Variants in TBX20 observed in about 807,000 individuals in gnomAD.
TBX20 encodes T-box transcription factor TBX20.
In TBX20, 8 loss-of-function variants were observed where a neutral mutation model predicts 42.9. The ratio of observed to expected loss-of-function variants is 0.19; its 90% CI spans 0.11 to 0.34. The LOEUF is 0.34. Among genes scored for constraint, TBX20 ranks in the 10% least tolerant of loss-of-function variants. TBX20 has a pLI of 1.00. For missense variants in TBX20, 411 were observed against 566.0 expected (o/e 0.73, Z 2.78); for synonymous variants, 198 against 222.8 (o/e 0.89, Z 0.99).
chr7:35,253,840 C>G lies in TBX20; in HGVS notation c.-220G>C. The G allele has an allele frequency of 3.4e-6, 2 of 590,566 alleles. No individual in the cohort carries two copies. Among genetic ancestry groups the G allele is most frequent in the Non-Finnish European group, 2.9e-6 (1 of 344,638 alleles). The allele number at this position is 590,566 out of a possible 1,614,324, so 36.6% of individuals were successfully genotyped here. The stretch of plus-strand genomic sequence containing the variant: ...GAGCCGCAGAGACTTCGAAGGCAGC[C>G]GGAGAGGAGAGGGCCCACCGAGCAC... On this transcript the variant is annotated 5_prime_UTR_variant, in exon 1 of 8. Coordinates refer to ENST00000408931, the MANE Select transcript of TBX20 (RefSeq NM_001077653.2).
chr7:35,228,722 G>A (rs943796991), intron 6 of TBX20, among the ~76,000 whole-genome samples: 3 of 151,860 alleles, frequency 2.0e-5, no homozygotes, highest in Admixed American at 6.6e-5. Flanking sequence ...GTTATTATAC[G>A]GAACCAGCCA....
At chr7:35,245,319 G>GGTGTGTGTGTGT (rs61706700) in intron 3 of TBX20, among the ~76,000 whole-genome samples, 12,670 of 146,352 alleles carry the variant, frequency 0.087, 589 homozygotes, top group Non-Finnish European at 0.1. Context: ...TGTTTAAAGG[G>GGTGTGTGTGTGT]GTGTGTGTGT....
At chr7:35,223,131 G>A (rs1446562834) in intron 6 of TBX20, among the ~76,000 whole-genome samples, 1 of 152,178 alleles carries the variant, frequency 6.6e-6, no homozygotes, top group African/African-American at 2.4e-5. Flanking sequence ...GTTTGGATGT[G>A]TAAAATATGA....
At chr7:35,243,876 G>A (rs1203960344) in intron 4 of TBX20, among the ~76,000 whole-genome samples, 1 of 152,202 alleles carries the variant, frequency 6.6e-6, no homozygotes. Context: ...ACAGTCTCCT[G>A]TGGGCAGAGG....
At chr7:35,226,902 C>T (rs1789781576) in intron 6 of TBX20, among the ~76,000 whole-genome samples, 1 of 151,632 alleles carries the variant, frequency 6.6e-6, no homozygotes, top group South Asian at 2.1e-4. Flanking sequence ...TCAGGCAGAT[C>T]CTTTGGCAGG....
chr7:35,210,628 T>C (rs1461309438), intron 6 of TBX20, among the ~76,000 whole-genome samples: 2 of 152,324 alleles, frequency 1.3e-5, no homozygotes, highest in African/African-American at 4.8e-5. Context: ...CCTTGAAGAA[T>C]GGAGCTCTTT....
At chr7:35,215,111 T>C (rs1224948336) in intron 6 of TBX20, among the ~76,000 whole-genome samples, 2 of 152,220 alleles carry the variant, frequency 1.3e-5, no homozygotes, top group Non-Finnish European at 2.9e-5. Flanking sequence ...TGAAACATTT[T>C]GCTTTTCTGA....
At chr7:35,246,167 C>A (rs1422614384) in intron 3 of TBX20, among the ~76,000 whole-genome samples, 3 of 152,144 alleles carry the variant, frequency 2.0e-5, no homozygotes, top group Admixed American at 6.6e-5. Flanking sequence ...TGTACAAATG[C>A]TGAAACTTAC....
chr7:35,240,843 C>G (rs756840599), intron 5 of TBX20, 36 bp downstream of exon 5: 2 of 1,599,820 alleles, frequency 1.3e-6, no homozygotes, highest in Non-Finnish European at 1.7e-6. Context: ...AAATCCTTCT[C>G]TTATGCAGGA....
At chr7:35,213,877 C>CAAAAAAAAAA (rs59548164) in intron 6 of TBX20, among the ~76,000 whole-genome samples, 1 of 59,768 alleles carries the variant, frequency 1.7e-5, no homozygotes, top group African/African-American at 6.8e-5. Context: ...GCAGAGATAG[C>CAAAAAAAAAA]AAAAAAAAAA....
rs548205578 is a variant in TBX20 at position 35,209,719 on chromosome 7, G to T, written c.891-5137C>A. Reference sequence around the variant, plus strand: ...CTTGCTTTGGGTCTCATTCACTATTGTCCTAGTTTCTTGAGATGGAAGATG... The same window carrying T: ...CTTGCTTTGGGTCTCATTCACTATTTTCCTAGTTTCTTGAGATGGAAGATG... On this transcript the variant is annotated intron_variant, in intron 6 of 7. Coordinates refer to ENST00000408931, the MANE Select transcript of TBX20 (RefSeq NM_001077653.2). 5.3e-5 allele frequency among the ~76,000 whole-genome samples: 8 copies of T among 151,956 alleles called. No individual in the cohort carries two copies. The East Asian group carries it at 1.6e-3, about 29-fold the overall frequency.
intron 6 of TBX20, among the ~76,000 whole-genome samples, chr7:35,217,431 AAAG>A (rs1323637018): frequency 5.9e-5 from 9 of 152,328 alleles, no homozygotes; most frequent in African/African-American, 2.2e-4. Context: ...CACAGCAAGA[AAAG>A]AAGGATAATT....
intron 6 of TBX20, among the ~76,000 whole-genome samples, chr7:35,209,167 C>A (rs1789452546): frequency 1.3e-5 from 2 of 151,904 alleles, no homozygotes; most frequent in Admixed American, 1.3e-4. Context: ...TGGTCTTTCT[C>A]TAGTTTTAGT....
chr7:35,204,484 G>C lies in TBX20; in HGVS notation c.989C>G (p.Thr330Arg). ...AACTACCTTACCTCGATTTGGGGTT[G>C]TCTGACTCTCATCCCCCAAGACATC... ...EEDVLGDESQ[T>R]TPNRGSAFTT... Residue 330 changes from threonine (T) to arginine (R), a missense_variant, in exon 7 of 8, where the codon ACA becomes AGA. This residue lies in a region of TBX20 where 162 missense variants were observed against 205.4 expected (regional missense o/e 0.79). Coordinates refer to ENST00000408931, the MANE Select transcript of TBX20 (RefSeq NM_001077653.2). The C allele has an allele frequency of 6.2e-7, 1 of 1,612,672 alleles. No homozygotes were observed. Among genetic ancestry groups the C allele is most frequent in the Non-Finnish European group, 8.5e-7 (1 of 1,178,728 alleles).
chr7:35,246,687 C>CATTT (rs1790194050), intron 3 of TBX20, among the ~76,000 whole-genome samples: 1 of 152,058 alleles, frequency 6.6e-6, no homozygotes, highest in Non-Finnish European at 1.5e-5. Context: ...TCAGCCTGAA[C>CATTT]TAAAATGCTT....
chr7:35,248,697 G>T lies in TBX20; in HGVS notation c.525C>A (p.Ala175=). 6.2e-7 allele frequency: 1 copy of T among 1,612,298 alleles called. No individual in the cohort carries two copies. Among genetic ancestry groups the T allele is most frequent in the Non-Finnish European group, 8.5e-7 (1 of 1,179,856 alleles). The change falls in exon 3 of 8, where the codon GCC becomes GCA. Residue 175 remains alanine (A), a synonymous_variant. Coordinates refer to ENST00000408931, the MANE Select transcript of TBX20 (RefSeq NM_001077653.2). ...CGAACCTGGCTGGCAACGGCGGGTC[G>T]GCCTTGCCAGCCACCAGCCAGGAGG... The part of the protein sequence containing the change: ...HRSSWLVAGK[A]DPPLPARLYV...
At chr7:35,213,382 C>T (rs190664864) in intron 6 of TBX20, among the ~76,000 whole-genome samples, 2 of 152,222 alleles carry the variant, frequency 1.3e-5, no homozygotes, top group Admixed American at 1.3e-4. Flanking sequence ...CCTGGTGATT[C>T]CAATGAGCAG....
intron 6 of TBX20, among the ~76,000 whole-genome samples, chr7:35,215,754 A>C (rs1157505926): frequency 1.3e-5 from 2 of 152,180 alleles, no homozygotes; most frequent in Non-Finnish European, 2.9e-5. Context: ...AATTTCAGAA[A>C]TGGTACACAC....
intron 5 of TBX20, among the ~76,000 whole-genome samples, chr7:35,235,481 T>C (rs1022133774): frequency 3.9e-5 from 6 of 152,194 alleles, no homozygotes; most frequent in African/African-American, 7.2e-5. Context: ...TACCAAACAT[T>C]GTATGTACAG....
Sources: gnomAD v4.1 joint callset for allele counts (sites outside exome capture counted in the v4.1 genomes callset) on GRCh38, gnomAD v4.1.1 for gene constraint, gnomAD v4.1.1 regional missense constraint, MANE v1.5 for transcripts, NCBI Gene and HGNC (gene_info 2026-07-23, HGNC 2026-07-21) for gene names.